PDE10A: variants seen among roughly 807,000 people sequenced by gnomAD.
PDE10A encodes the protein cAMP and cAMP-inhibited cGMP 3',5'-cyclic phosphodiesterase 10A.
Under a neutral mutation model 97.7 loss-of-function variants are expected in PDE10A, and 39 were observed. That is an observed-to-expected ratio of 0.40 (90% CI 0.31 to 0.52). The LOEUF is 0.52. PDE10A is among the 20% of genes least tolerant of loss of function. The pLI is 0.56. For synonymous variants in PDE10A, 371 were observed against 376.8 expected, an observed-to-expected ratio of 0.98 and a Z score of 0.18; for missense variants, 731 against 1,047.8, an observed-to-expected ratio of 0.70 and a Z score of 4.17.
At chr6:165,827,053 A>C (rs1055154937) in intron 1 of PDE10A, among the ~76,000 whole-genome samples, 1 of 152,104 alleles carries the variant, frequency 6.6e-6, no homozygotes, top group Non-Finnish European at 1.5e-5. Context: ...TTGTCCCCTG[A>C]CCAGGACGTG....
At chr6:165,791,934 T>C (rs1365351209) in intron 1 of PDE10A, among the ~76,000 whole-genome samples, 1 of 152,198 alleles carries the variant, frequency 6.6e-6, no homozygotes, top group Non-Finnish European at 1.5e-5. Context: ...GTCAGCTCTG[T>C]GCAACACACA....
At position 165,578,680 on chromosome 6, in the gene PDE10A, T is replaced by C. The variant is rs181733888; in HGVS notation, c.866-35112A>G. On this transcript the variant is annotated intron_variant, in intron 1 of 21. Coordinates refer to ENST00000539869, the MANE Select transcript of PDE10A (RefSeq NM_001385079.1). ...CCCTTTTTGGCCGCCAAACTCTTTT[T>C]CTGTTTTTTTCTTACATGGCATAAT... is the stretch of plus-strand genomic sequence containing the variant. Among the ~76,000 whole-genome samples the C allele has an allele frequency of 7.0e-4, 106 of 151,078 alleles. No homozygotes were observed. The East Asian group carries it at 0.022, about 31-fold the overall frequency.
intron 1 of PDE10A, among the ~76,000 whole-genome samples, chr6:165,777,173 C>T (rs955873572): frequency 6.6e-6 from 1 of 152,036 alleles, no homozygotes; most frequent in East Asian, 1.9e-4. Flanking sequence ...TTGATAGGGG[C>T]GGGGCAGAGT....
intron 1 of PDE10A, among the ~76,000 whole-genome samples, chr6:165,888,697 C>T (rs1781698104): frequency 6.6e-6 from 1 of 152,146 alleles, no homozygotes; most frequent in African/African-American, 2.4e-5. Flanking sequence ...GTGTCCGGCT[C>T]AGAGCAATCA....
At chr6:165,644,659 T>C (rs1323297418) in intron 1 of PDE10A, among the ~76,000 whole-genome samples, 1 of 152,220 alleles carries the variant, frequency 6.6e-6, no homozygotes, top group Non-Finnish European at 1.5e-5. Flanking sequence ...TCACACTGCA[T>C]GTACTTCATC....
At chr6:165,379,418 C>A (rs1313921973) in intron 17 of PDE10A, 52 bp from the exon 18 acceptor site, 3 of 1,397,446 alleles carry the variant, frequency 2.1e-6, no homozygotes, top group African/African-American at 1.5e-5. Flanking sequence ...AAGCTCTAAT[C>A]TTATGACATT....
chr6:165,686,220 C>T (rs979403403), intron 1 of PDE10A, among the ~76,000 whole-genome samples: 1 of 151,884 alleles, frequency 6.6e-6, no homozygotes, highest in African/African-American at 2.4e-5. Flanking sequence ...ACAGCGCTCG[C>T]TACACTCCAA....
intron 18 of PDE10A, among the ~76,000 whole-genome samples, chr6:165,364,516 A>T: frequency 6.6e-6 from 1 of 152,214 alleles, no homozygotes; most frequent in Non-Finnish European, 1.5e-5. Context: ...TAAGACACAC[A>T]TATAATCTAT....
intron 18 of PDE10A, among the ~76,000 whole-genome samples, chr6:165,344,092 C>T (rs1335312738): frequency 6.6e-6 from 1 of 152,170 alleles, no homozygotes. Flanking sequence ...CTTTTCAACA[C>T]CAGCCTTTCA....
intron 1 of PDE10A, among the ~76,000 whole-genome samples, chr6:165,727,906 A>T (rs1792338469): frequency 6.6e-6 from 1 of 152,244 alleles, no homozygotes; most frequent in Non-Finnish European, 1.5e-5. Flanking sequence ...AGTGAGCATC[A>T]GGAGGAAAGG....
Position 165,704,621 on chromosome 6 carries a change from A to G in PDE10A, c.-614-161053T>C, listed in dbSNP as rs142621878. 2.9e-4 allele frequency among the ~76,000 whole-genome samples: 44 copies of G among 152,312 alleles called. 1 individual carries two copies. The East Asian group carries it at 7.5e-3, about 26-fold the overall frequency. On this transcript the variant is annotated intron_variant, in intron 1 of 19. Coordinates refer to the PDE10A transcript ENST00000366882. ...TGTTGACCATTAAAATGAAAAGAAAAATCAGAGTCACCAACAGCAAAAAAT... is the reference window on the plus strand; with the variant it reads ...TGTTGACCATTAAAATGAAAAGAAAGATCAGAGTCACCAACAGCAAAAAAT...
At chr6:165,615,360 C>T (rs1050336798) in intron 1 of PDE10A, among the ~76,000 whole-genome samples, 17 of 152,074 alleles carry the variant, frequency 1.1e-4, no homozygotes, top group African/African-American at 4.1e-4. Flanking sequence ...ATTTCAATGT[C>T]GGTTTTCTAG....
At position 165,354,911 on chromosome 6, in the gene PDE10A, A is replaced by T. The variant is rs192733993; in HGVS notation, c.2784-11409T>A. Among the ~76,000 whole-genome samples, 455 of 152,288 alleles carry T rather than the reference A, an allele frequency of 3.0e-3. 1 individual carries two copies. The highest frequency in any genetic ancestry group is 4.8e-3 in the Non-Finnish European group (327 of 68,024). Reference sequence around the variant, plus strand: ...AATGGCTTGTGTTAGGCAATTCCTTACATAATTAGCCATCACAACAATGTA... The same window carrying T: ...AATGGCTTGTGTTAGGCAATTCCTTTCATAATTAGCCATCACAACAATGTA... On this transcript the variant is annotated intron_variant, in intron 18 of 21. Transcript: ENST00000539869.
intron 1 of PDE10A, chr6:165,949,823 C>T (rs1783896017): frequency 6.6e-6 from 1 of 152,088 alleles, no homozygotes; most frequent in Admixed American, 6.5e-5. Context: ...ACGAACACAT[C>T]CAAAGATGAA....
At chr6:165,809,606 A>T (rs1779225891) in intron 1 of PDE10A, among the ~76,000 whole-genome samples, 1 of 152,058 alleles carries the variant, frequency 6.6e-6, no homozygotes, top group Admixed American at 6.6e-5. Context: ...GAGTTTTCTG[A>T]GTGGCCAATG....
chr6:165,529,464 A>T (rs1782645271), intron 2 of PDE10A, among the ~76,000 whole-genome samples: 1 of 152,216 alleles, frequency 6.6e-6, no homozygotes, highest in Admixed American at 6.5e-5. Context: ...GGAAAAAACC[A>T]TGACCTGCTG....
intron 1 of PDE10A, among the ~76,000 whole-genome samples, chr6:165,668,751 G>C (rs1230216725): frequency 8.4e-6 from 1 of 118,826 alleles, no homozygotes; most frequent in Non-Finnish European, 1.7e-5. Context: ...GACAGAAAGA[G>C]AAAGGAAGGA....
intron 4 of PDE10A, 37 bp from the exon 5 acceptor site, chr6:165,449,014 A>C (rs760330764): frequency 6.5e-7 from 1 of 1,537,756 alleles, no homozygotes; most frequent in Non-Finnish European, 9.0e-7. Context: ...AACTGAGCTC[A>C]GTGGGAGAAT....
At chr6:165,609,059 G>A (rs1258820662) in intron 1 of PDE10A, among the ~76,000 whole-genome samples, 1 of 152,146 alleles carries the variant, frequency 6.6e-6, no homozygotes, top group Non-Finnish European at 1.5e-5. Context: ...TCTGTAGGTT[G>A]CCTGTTCACT....
Sources: gnomAD v4.1 joint callset for allele counts (sites outside exome capture counted in the v4.1 genomes callset) on GRCh38, gnomAD v4.1.1 for gene constraint, MANE v1.5 for transcripts, NCBI Gene and HGNC (gene_info 2026-07-23, HGNC 2026-07-21) for gene names.